Variants in SNX11 observed in about 807,000 individuals in gnomAD.
The protein encoded by SNX11 is sorting nexin-11.
In SNX11, 19 loss-of-function variants were observed where a neutral mutation model predicts 30.7. The ratio of observed to expected loss-of-function variants is 0.62; its 90% CI spans 0.43 to 0.91. The LOEUF (loss-of-function observed/expected upper bound fraction) is 0.91. Ranked by LOEUF, SNX11 falls within the 40% of genes least tolerant of loss-of-function variation. SNX11 has a pLI of 0.00. For synonymous variants in SNX11, 112 were observed against 119.0 expected, an observed-to-expected ratio of 0.94 and a Z score of 0.38; for missense variants, 302 against 326.7, an observed-to-expected ratio of 0.92 and a Z score of 0.58.
At chr17:48,112,989 T>C (rs979401850) in intron 3 of SNX11, 30 of 288,338 alleles carry the variant, frequency 1.0e-4, no homozygotes, top group African/African-American at 6.7e-4. Flanking sequence ...CCACCCTCCT[T>C]GGCCTCCCAA....
chr17:48,113,821 T>C (rs1303948901), intron 4 of SNX11, among the ~76,000 whole-genome samples: 1 of 151,838 alleles, frequency 6.6e-6, no homozygotes, highest in Non-Finnish European at 1.5e-5. Context: ...TTGTTGGGAT[T>C]ACAGGTGTGA....
intron 4 of SNX11, among the ~76,000 whole-genome samples, chr17:48,117,242 T>C (rs2063555196): frequency 1.1e-5 from 1 of 92,694 alleles, no homozygotes; most frequent in Admixed American, 1.5e-4. Context: ...TTTATTTTTA[T>C]TTATTTATTT....
rs966161962 is a variant in SNX11 at position 48,111,114 on chromosome 17, T to C, written c.-13-917T>C. 36 of 985,212 alleles carry C rather than the reference T, an allele frequency of 3.7e-5. No individual in the cohort carries two copies. The African/African-American group carries it at 5.8e-4, about 16-fold the overall frequency. 61.0% of individuals were successfully genotyped at this position (985,212 alleles called of 1,614,324 possible). A position where few individuals can be genotyped will look rare whatever the true frequency, so the allele number is the denominator to read the frequency against. ...GGACAGAAGTACAAACCGGATGGCA[T>C]GTCAGGAGAGGAAGTAATTAGAACA... On this transcript the variant is annotated intron_variant, in intron 1 of 6. Transcript: ENST00000359238.
intron 4 of SNX11, among the ~76,000 whole-genome samples, chr17:48,113,810 A>G (rs1232665258): frequency 1.3e-5 from 2 of 150,472 alleles, no homozygotes; most frequent in African/African-American, 2.4e-5. Flanking sequence ...GGCCTTCCAA[A>G]TTGTTGGGAT....
chr17:48,119,263 G>C, intron 6 of SNX11, 77 bp downstream of exon 6: 1 of 1,121,888 alleles, frequency 8.9e-7, no homozygotes, highest in Non-Finnish European at 1.3e-6. Flanking sequence ...ATTTGTTAGG[G>C]AAAGTAATGT....
At chr17:48,118,158 G>A (rs1367984943) in intron 4 of SNX11, among the ~76,000 whole-genome samples, 1 of 152,194 alleles carries the variant, frequency 6.6e-6, no homozygotes, top group Non-Finnish European at 1.5e-5. Flanking sequence ...TAACTTCTCT[G>A]ATCTGAAGTG....
At position 48,120,903 on chromosome 17, in the gene SNX11, AT is replaced by A. The variant is rs58848624; in HGVS notation, c.540-318del. On this transcript the variant is annotated intron_variant, in intron 6 of 6. Coordinates refer to ENST00000359238, the MANE Select transcript of SNX11 (RefSeq NM_013323.3). ...CTCAAATAATTCACCATGCCCAGCC[AT>A]TTTTTTTTTTTTTAATCGGGCAGCC... Among the ~76,000 whole-genome samples, 241 of 145,200 alleles carry A rather than the reference AT, an allele frequency of 1.7e-3. 1 individual carries two copies. Among genetic ancestry groups the A allele is most frequent in the African/African-American group, 5.2e-3 (205 of 39,364 alleles).
At position 48,112,571 on chromosome 17, in the gene SNX11, C is replaced by A; in HGVS notation, c.43-3C>A. ...AAGCTGAGGGAGCTTTTCTTACCTA[C>A]AGGAGGTGATTACAGTGCGTGTTCA... On this transcript the variant is annotated splice_region_variant and splice_polypyrimidine_tract_variant and intron_variant, in intron 2 of 6. Coordinates refer to ENST00000359238, the MANE Select transcript of SNX11 (RefSeq NM_013323.3). The A allele has an allele frequency of 6.2e-7, 1 of 1,607,834 alleles. No individual in the cohort carries two copies. Among genetic ancestry groups the A allele is most frequent in the Non-Finnish European group, 8.5e-7 (1 of 1,174,986 alleles).
intron 6 of SNX11, 107 bp from the exon 7 acceptor site, chr17:48,121,128 G>C: frequency 8.0e-7 from 1 of 1,245,552 alleles, no homozygotes; most frequent in African/African-American, 1.5e-5. Flanking sequence ...TGGGATTACA[G>C]GCACATGCCA....
chr17:48,111,735 C>T (rs1200893595), intron 1 of SNX11, among the ~76,000 whole-genome samples: 2 of 152,028 alleles, frequency 1.3e-5, no homozygotes, highest in African/African-American at 4.8e-5. Context: ...ACATCTGGAC[C>T]CGCCTGTTCT....
chr17:48,111,413 C>G (rs2063491083), intron 1 of SNX11, among the ~76,000 whole-genome samples: 1 of 151,914 alleles, frequency 6.6e-6, no homozygotes, highest in Non-Finnish European at 1.5e-5. Flanking sequence ...TTTGGGAGGC[C>G]GAGGAGGGCG....
chr17:48,118,132 CAGTG>C (rs1326477554), intron 4 of SNX11, among the ~76,000 whole-genome samples: 3 of 152,208 alleles, frequency 2.0e-5, no homozygotes, highest in Non-Finnish European at 1.5e-5. Context: ...AGCTGTGTAA[CAGTG>C]AGACATTTAC....
chr17:48,107,943 A>G (rs918200314), intron 1 of SNX11, 105 bp downstream of exon 1: 1 of 152,280 alleles, frequency 6.6e-6, no homozygotes, highest in Admixed American at 6.6e-5. Context: ...ATCGCTTTAC[A>G]TCCTAGGGAG....
At chr17:48,111,350 T>A (rs1280203458) in intron 1 of SNX11, among the ~76,000 whole-genome samples, 1 of 152,030 alleles carries the variant, frequency 6.6e-6, no homozygotes, top group African/African-American at 2.4e-5. Flanking sequence ...TAGGCTCGCT[T>A]TCAAAGCTGT....
chr17:48,117,476 C>T (rs1247342110), intron 4 of SNX11, among the ~76,000 whole-genome samples: 5 of 151,562 alleles, frequency 3.3e-5, no homozygotes, highest in Admixed American at 1.3e-4. Context: ...AGGATGGTCT[C>T]GATTTTCTGA....
chr17:48,116,703 G>C (rs1387831822), intron 4 of SNX11, among the ~76,000 whole-genome samples: 2 of 151,682 alleles, frequency 1.3e-5, no homozygotes, highest in Non-Finnish European at 2.9e-5. Flanking sequence ...GAGCAGTTGG[G>C]ATTACAGGTG....
Position 48,118,992 on chromosome 17 carries a change from TCTC to T in SNX11, c.348_350del (p.Leu117del), listed in dbSNP as rs528177082. On this transcript the variant is annotated inframe_deletion, in exon 6 of 7. Transcript: ENST00000359238. ...TTCCCAGGGTCCTGCAGAGTGTGGT[TCTC>T]CTGTCAGACAGCCAGTTGCACCTAT... 3 of 1,613,730 alleles carry T rather than the reference TCTC, an allele frequency of 1.9e-6. No homozygotes were observed. Among genetic ancestry groups the T allele is most frequent in the Non-Finnish European group, 2.5e-6 (3 of 1,179,964 alleles).
intron 6 of SNX11, among the ~76,000 whole-genome samples, chr17:48,120,201 G>GTTTTTTTTTTTTT (rs61680588): frequency 1.3e-5 from 1 of 74,220 alleles, no homozygotes; most frequent in African/African-American, 5.9e-5. Context: ...GCATTTATCT[G>GTTTTTTTTTTTTT]TTTTTTTTTT....
At position 48,121,763 on chromosome 17, in the gene SNX11, T is replaced by C. The variant is rs1313482035; in HGVS notation, c.*255T>C. 3 of 443,982 alleles carry C rather than the reference T, an allele frequency of 6.8e-6. No individual in the cohort carries two copies. The highest frequency in any genetic ancestry group is 1.2e-5 in the Non-Finnish European group (3 of 246,638). The allele number at this position is 443,982 out of a possible 1,614,324, so 27.5% of individuals were successfully genotyped here. On this transcript the variant is annotated 3_prime_UTR_variant, in exon 7 of 7. Transcript: ENST00000359238. ...GCTTTTGAACAGAACCCTATATTACTCTCCTGGGATCTGAGTTTCTGCAGG... is the reference window on the plus strand; with the variant it reads ...GCTTTTGAACAGAACCCTATATTACCCTCCTGGGATCTGAGTTTCTGCAGG...
Sources: allele counts gnomAD v4.1 joint callset (sites outside exome capture counted in the v4.1 genomes callset), GRCh38; gene constraint gnomAD v4.1.1; transcripts MANE v1.5; gene names NCBI Gene and HGNC (gene_info 2026-07-23, HGNC 2026-07-21).